Variants in COX14 observed in about 807,000 individuals in gnomAD.
COX14 encodes cytochrome c oxidase assembly protein COX14.
A neutral mutation model predicts 5.8 loss-of-function variants in COX14; 3 were observed. The ratio of observed to expected loss-of-function variants is 0.51; its 90% CI spans 0.23 to 1.33. The LOEUF (loss-of-function observed/expected upper bound fraction) is 1.33. Among genes scored for constraint, COX14 ranks in the 40% most tolerant of loss-of-function variants. COX14 has a pLI of 0.18. For synonymous variants in COX14, 25 were observed against 26.1 expected (o/e 0.96, Z 0.13); for missense variants, 72 against 72.1 (o/e 1.00, Z 0.01).
At chr12:50,117,816 C>T (rs1219386536) in intron 1 of COX14, among the ~76,000 whole-genome samples, 6 of 149,608 alleles carry the variant, frequency 4.0e-5, no homozygotes, top group Non-Finnish European at 8.9e-5. Context: ...ACGATCTCAG[C>T]TCACTGCAGC....
At position 50,112,269 on chromosome 12, in the gene COX14, C is replaced by G. The variant is rs912035049; in HGVS notation, c.-41C>G. ...CGAGACCCTGCCTGCCTGAGGAGGC[C>G]TCGGTTGGATGCGAAGGAGCTGCAG... On this transcript the variant is annotated 5_prime_UTR_variant, in exon 1 of 2. Coordinates refer to ENST00000550487, the MANE Select transcript of COX14 (RefSeq NM_032901.4). 2 of 984,828 alleles carry G rather than the reference C, an allele frequency of 2.0e-6. No individual in the cohort carries two copies. Among genetic ancestry groups the G allele is most frequent in the African/African-American group, 1.7e-5 (1 of 57,232 alleles). The allele number at this position is 984,828 out of a possible 1,614,324, so 61.0% of individuals were successfully genotyped here.
intron 1 of COX14, 87 bp downstream of exon 1, chr12:50,112,388 C>T: frequency 1.0e-6 from 1 of 985,716 alleles, no homozygotes; most frequent in Non-Finnish European, 1.2e-6. Flanking sequence ...CCGCGTCCTC[C>T]CATCCCCTAG....
chr12:50,117,805 C>T (rs954388768), intron 1 of COX14, among the ~76,000 whole-genome samples: 2 of 147,726 alleles, frequency 1.4e-5, no homozygotes, highest in African/African-American at 5.0e-5. Flanking sequence ...AGTGCAGTGG[C>T]ACGATCTCAG....
chr12:50,112,736 T>C (rs1215265948), intron 1 of COX14: 1 of 152,474 alleles, frequency 6.6e-6, no homozygotes, highest in Admixed American at 6.6e-5. Context: ...AAAAAGACAG[T>C]TCCACTCCCA....
At chr12:50,112,955 C>T (rs1951042041) in intron 1 of COX14, 1 of 105,200 alleles carries the variant, frequency 9.5e-6, no homozygotes, top group Admixed American at 9.4e-5. Context: ...TATTTTGAGA[C>T]AGGGTCTTGC....
intron 1 of COX14, among the ~76,000 whole-genome samples, chr12:50,114,219 G>GAAAA (rs36117795): frequency 2.2e-4 from 18 of 82,886 alleles, no homozygotes; most frequent in African/African-American, 6.8e-4. Context: ...GTAGTTAAAT[G>GAAAA]AAAAAAAAAA....
intron 1 of COX14, chr12:50,113,031 T>G (rs2058709016): frequency 6.9e-6 from 1 of 144,336 alleles, no homozygotes; most frequent in African/African-American, 2.8e-5. Context: ...GGTTTTTTTT[T>G]TGTTGTTGTT....
At chr12:50,114,481 A>G (rs1413360512) in intron 1 of COX14, among the ~76,000 whole-genome samples, 3 of 151,910 alleles carry the variant, frequency 2.0e-5, no homozygotes, top group Non-Finnish European at 2.9e-5. Context: ...CGAGCTCCCA[A>G]CCTCAGGTGA....
chr12:50,120,346 C>A lies in COX14; in HGVS notation c.*129C>A. The A allele has an allele frequency of 1.3e-6, 1 of 776,576 alleles. No individual in the cohort carries two copies. The highest frequency in any genetic ancestry group is 2.0e-5 in the South Asian group (1 of 50,860). The allele number at this position is 776,576 out of a possible 1,614,324, so 48.1% of individuals were successfully genotyped here. On this transcript the variant is annotated 3_prime_UTR_variant, in exon 2 of 2. Coordinates refer to ENST00000550487, the MANE Select transcript of COX14 (RefSeq NM_032901.4). ...TTCAAACCCTGTTGGAAGAAAGTGC[C>A]CATGGTTTCTCTGGTTCTGCCAGTT...
At chr12:50,116,396 A>C (rs1054752697) in intron 1 of COX14, among the ~76,000 whole-genome samples, 1 of 152,242 alleles carries the variant, frequency 6.6e-6, no homozygotes, top group African/African-American at 2.4e-5. Flanking sequence ...CCCGGCCTGA[A>C]GAGTTTTTGC....
chr12:50,118,403 G>A (rs978685288), intron 1 of COX14: 17 of 984,484 alleles, frequency 1.7e-5, no homozygotes, highest in South Asian at 9.4e-5. Flanking sequence ...GTCAGTCTTC[G>A]TGCAGCTTGC....
chr12:50,113,397 G>T (rs2137934701), intron 1 of COX14, among the ~76,000 whole-genome samples: 1 of 149,730 alleles, frequency 6.7e-6, no homozygotes, highest in African/African-American at 2.5e-5. Flanking sequence ...TCCGCCTTCC[G>T]GGTTCATGCC....
At chr12:50,114,983 G>T (rs1951067475) in intron 1 of COX14, among the ~76,000 whole-genome samples, 1 of 150,296 alleles carries the variant, frequency 6.7e-6, no homozygotes, top group South Asian at 2.1e-4. Context: ...GGCCAGGATG[G>T]TCTCAATCTC....
At chr12:50,114,262 T>G (rs1443611926) in intron 1 of COX14, among the ~76,000 whole-genome samples, 1 of 151,710 alleles carries the variant, frequency 6.6e-6, no homozygotes, top group South Asian at 2.1e-4. Flanking sequence ...AATTTTTTTT[T>G]TTTTGAGGGG....
At chr12:50,116,326 C>G (rs2137941193) in intron 1 of COX14, among the ~76,000 whole-genome samples, 1 of 152,278 alleles carries the variant, frequency 6.6e-6, no homozygotes, top group East Asian at 1.9e-4. Context: ...CTCCTGACCT[C>G]AGGTGATCTG....
chr12:50,118,196 G>A (rs569089805), intron 1 of COX14, among the ~76,000 whole-genome samples: 146 of 151,286 alleles, frequency 9.7e-4, no homozygotes, highest in African/African-American at 2.7e-3. Context: ...ACAGGCATGC[G>A]CCACCACGCC....
intron 1 of COX14, among the ~76,000 whole-genome samples, chr12:50,116,681 G>A (rs1172261026): frequency 1.3e-5 from 2 of 152,184 alleles, no homozygotes; most frequent in African/African-American, 4.8e-5. Flanking sequence ...TTTGCAGGCG[G>A]CTTAGCGTTC....
At chr12:50,113,071 C>G (rs536536823) in intron 1 of COX14, among the ~76,000 whole-genome samples, 111 of 151,136 alleles carry the variant, frequency 7.3e-4, no homozygotes, top group Non-Finnish European at 1.3e-3. Flanking sequence ...GAAAAGGTCT[C>G]CCTATGTTGC....
intron 1 of COX14, among the ~76,000 whole-genome samples, chr12:50,113,336 C>T (rs2137934524): frequency 6.8e-6 from 1 of 148,040 alleles, no homozygotes; most frequent in East Asian, 2.0e-4. Context: ...CGGAGTCTTG[C>T]TCTGTCGCCC....
Sources: allele counts gnomAD v4.1 joint callset (sites outside exome capture counted in the v4.1 genomes callset), GRCh38; gene constraint gnomAD v4.1.1; transcripts MANE v1.5; gene names NCBI Gene and HGNC (gene_info 2026-07-23, HGNC 2026-07-21).